The following QSER1 variants were observed in gnomAD, a reference collection of about 807,000 sequenced individuals.
QSER1 encodes glutamine and serine-rich protein 1.
In QSER1, 49 loss-of-function variants were observed where a neutral mutation model predicts 158.5. That is an observed-to-expected ratio of 0.31 (90% confidence interval 0.25 to 0.39). The LOEUF is 0.39. Ranked by LOEUF, QSER1 falls within the 10% of genes least tolerant of loss-of-function variation. The pLI is 1.00. For missense variants in QSER1, 1,754 were observed against 2,010.3 expected, an observed-to-expected ratio of 0.87 and a Z score of 2.44; for synonymous variants, 650 against 715.5, an observed-to-expected ratio of 0.91 and a Z score of 1.46.
chr11:32,973,801 C>T (rs985828491), intron 11 of QSER1, among the ~76,000 whole-genome samples: 1 of 152,092 alleles, frequency 6.6e-6, no homozygotes, highest in Non-Finnish European at 1.5e-5. Context: ...GAAATCATCT[C>T]GTGCTCATGT....
At chr11:32,965,268 C>T (rs1852718908) in intron 8 of QSER1, among the ~76,000 whole-genome samples, 1 of 151,950 alleles carries the variant, frequency 6.6e-6, no homozygotes, top group South Asian at 2.1e-4. Flanking sequence ...CATGCCACCA[C>T]ACACGTGGCT....
At chr11:32,974,267 A>AG (rs1852930156) in intron 11 of QSER1, among the ~76,000 whole-genome samples, 1 of 151,928 alleles carries the variant, frequency 6.6e-6, no homozygotes, top group East Asian at 1.9e-4. Context: ...CCCTGGGGGG[A>AG]GAAAAAAAAA....
intron 1 of QSER1, among the ~76,000 whole-genome samples, chr11:32,912,830 T>C (rs986287230): frequency 6.6e-6 from 1 of 152,106 alleles, no homozygotes; most frequent in Non-Finnish European, 1.5e-5. Context: ...GGAGGATTGC[T>C]TGAGCCTGGA....
At chr11:32,937,358 C>T (rs1852167389) in intron 4 of QSER1, among the ~76,000 whole-genome samples, 1 of 152,136 alleles carries the variant, frequency 6.6e-6, no homozygotes, top group Non-Finnish European at 1.5e-5. Context: ...GATCTTGGCA[C>T]ATTGAAACCT....
chr11:32,966,925 T>C (rs1852759655), intron 9 of QSER1, among the ~76,000 whole-genome samples: 1 of 152,198 alleles, frequency 6.6e-6, no homozygotes, highest in Non-Finnish European at 1.5e-5. Context: ...TTATTCCTTT[T>C]AGTTATTTGA....
rs978694551 is a variant in QSER1, at chr11:32,935,000, G to A, written c.3742G>A (p.Glu1248Lys). Residue 1248 changes from glutamate to lysine, a missense_variant, in exon 4 of 13, where the codon GAA becomes AAA. Glu to Lys is a moderately conservative substitution (Grantham distance 56). This residue lies in a region of QSER1 where 1,707 missense variants were observed against 1,919.6 expected (regional missense o/e 0.89). Coordinates refer to ENST00000650167, the MANE Select transcript of QSER1 (RefSeq NM_001076786.3). ...CTTACCGTATACTCCTCCTTCCTCAGAAAGCTGCCATGATGGTTATCAGCA... is the reference window on the plus strand; with the variant it reads ...CTTACCGTATACTCCTCCTTCCTCAAAAAGCTGCCATGATGGTTATCAGCA... ...IYLPYTPPSS[E>K]SCHDGYQHQE... 5.0e-6 allele frequency: 8 copies of A among 1,614,134 alleles called. No homozygotes were observed. Among genetic ancestry groups the A allele is most frequent in the African/African-American group, 1.3e-5 (1 of 75,058 alleles).
At position 32,934,885 on chromosome 11, in the gene QSER1, G is replaced by T. The variant is rs757238129; in HGVS notation, c.3627G>T (p.Gly1209=). The T allele has an allele frequency of 9.9e-6, 16 of 1,613,802 alleles. No homozygotes were observed. In the East Asian group the frequency reaches 2.9e-4, roughly 29 times the overall value. Residue 1209 remains glycine (G), a synonymous_variant, in exon 4 of 13, where the codon GGG becomes GGT. Coordinates refer to ENST00000650167, the MANE Select transcript of QSER1 (RefSeq NM_001076786.3). ...NLQKKRAKGK[G]QVKEEDNSNQ... is the part of the protein sequence containing the mutation. ...AAAAGAAAAGAGCTAAAGGAAAAGG[G>T]CAAGTTAAAGAGGAAGACAACAGTA...
chr11:32,898,243 G>A (rs867514097), intron 1 of QSER1, among the ~76,000 whole-genome samples: 1 of 152,214 alleles, frequency 6.6e-6, no homozygotes. Flanking sequence ...CACTTTGGGA[G>A]GCTGAGGTGG....
intron 4 of QSER1, among the ~76,000 whole-genome samples, chr11:32,951,562 A>G (rs572697645): frequency 3.3e-5 from 5 of 152,142 alleles, no homozygotes; most frequent in African/African-American, 1.2e-4. Flanking sequence ...ATCCATCAAC[A>G]TGGGATGTTT....
At chr11:32,945,636 G>A (rs1852318132) in intron 4 of QSER1, among the ~76,000 whole-genome samples, 1 of 151,560 alleles carries the variant, frequency 6.6e-6, no homozygotes, top group South Asian at 2.1e-4. Context: ...CCCTTTGAGG[G>A]TAACCCGACC....
At chr11:32,898,066 A>G (rs1851577911) in intron 1 of QSER1, among the ~76,000 whole-genome samples, 2 of 152,116 alleles carry the variant, frequency 1.3e-5, no homozygotes, top group African/African-American at 2.4e-5. Context: ...CCTCTCTTCA[A>G]TTCATTCTTC....
At position 32,934,250 on chromosome 11, in the gene QSER1, T is replaced by A; in HGVS notation, c.2992T>A (p.Phe998Ile). The A allele has an allele frequency of 1.2e-6, 2 of 1,613,996 alleles. No individual in the cohort carries two copies. The change falls in exon 4 of 13, where the codon TTT (phenylalanine) becomes ATT (isoleucine). Residue 998 changes from phenylalanine (F) to isoleucine (I), a missense_variant. Phe to Ile is a conservative substitution (Grantham distance 21). This residue lies in a region of QSER1 where 1,707 missense variants were observed against 1,919.6 expected (regional missense o/e 0.89). Transcript: ENST00000650167. ...AAACGVTPTD[F>I]SKSTSNETMQ... is the part of the protein sequence containing the mutation. ...AGCTTGTGGAGTTACACCTACTGAT[T>A]TTTCCAAGTCAACTTCAAATGAAAC...
rs867863749 is a variant in QSER1, at chr11:32,901,899, C to T, written c.209+8565C>T. 2.0e-5 allele frequency among the ~76,000 whole-genome samples: 3 copies of T among 152,166 alleles called. No homozygotes were observed. The South Asian group carries it at 6.2e-4, about 32-fold the overall frequency. ...AGGAGTTTGAGACCAGCCTGGGCAA[C>T]ATGGTGAAACCCCGTCTCCACAAAA... On this transcript the variant is annotated intron_variant, in intron 1 of 12. Transcript: ENST00000650167.
chr11:32,973,311 A>G (rs944654074), intron 10 of QSER1, 86 bp from the exon 11 acceptor site: 2 of 1,407,520 alleles, frequency 1.4e-6, no homozygotes, highest in African/African-American at 1.4e-5. Context: ...GTTTGTGTGC[A>G]CACACACTTC....
At chr11:32,916,687 A>G (rs1851834790) in intron 1 of QSER1, among the ~76,000 whole-genome samples, 1 of 151,992 alleles carries the variant, frequency 6.6e-6, no homozygotes, top group Non-Finnish European at 1.5e-5. Context: ...GTATCTAAAC[A>G]CCCCTAAACA....
intron 1 of QSER1, among the ~76,000 whole-genome samples, chr11:32,910,822 G>A (rs1295267538): frequency 6.6e-6 from 1 of 152,150 alleles, no homozygotes; most frequent in Non-Finnish European, 1.5e-5. Flanking sequence ...TCTTCTTCCT[G>A]TTCCATACCT....
chr11:32,969,703 G>A (rs971665142), intron 10 of QSER1, among the ~76,000 whole-genome samples: 1 of 48,482 alleles, frequency 2.1e-5, no homozygotes, highest in African/African-American at 7.1e-5. Context: ...TTTTTTTTTT[G>A]AGACAGAGTC....
intron 3 of QSER1, among the ~76,000 whole-genome samples, chr11:32,929,230 G>A (rs1852013830): frequency 6.6e-6 from 1 of 152,054 alleles, no homozygotes; most frequent in African/African-American, 2.4e-5. Flanking sequence ...TTGTGCCTCA[G>A]CCTCCTGAGT....
rs1851516708 is a variant in QSER1, at chr11:32,893,722, T to C, written c.209+388T>C. Among the ~76,000 whole-genome samples, 1 of 152,110 alleles carries C rather than the reference T, an allele frequency of 6.6e-6. No homozygotes were observed. The highest frequency in any genetic ancestry group is 1.5e-5 in the Non-Finnish European group (1 of 68,008). ...TTTGGGGCAGTGGCGATCCATTGTA[T>C]TGGAACCTGGGTGGCCGACAATGCG... is the stretch of plus-strand genomic sequence containing the variant. On this transcript the variant is annotated intron_variant, in intron 1 of 12. Transcript: ENST00000650167. This position sits in a 1 kb window ranked among gnomAD's most constrained non-coding sequence, Gnocchi z 4.7.
Sources: gnomAD v4.1 joint callset for allele counts (sites outside exome capture counted in the v4.1 genomes callset) on GRCh38, gnomAD v4.1.1 for gene constraint, gnomAD v4.1.1 regional missense constraint, Gnocchi (gnomAD v3.1) non-coding constraint, MANE v1.5 for transcripts, NCBI Gene and HGNC (gene_info 2026-07-23, HGNC 2026-07-21) for gene names.